KCNMA1: variants seen among roughly 807,000 people sequenced by gnomAD.
The protein encoded by KCNMA1 is potassium calcium-activated channel subfamily M alpha 1, also known as Calcium-activated potassium channel subunit alpha-1.
Under a neutral mutation model 140.0 loss-of-function variants are expected in KCNMA1, and 29 were observed. The observed-to-expected ratio is 0.21, with a 90% CI of 0.15 to 0.28. The LOEUF is 0.28. Ranked by LOEUF, KCNMA1 falls within the 10% of genes least tolerant of loss-of-function variation. KCNMA1 has a pLI of 1.00. For missense variants in KCNMA1, 880 were observed against 1,602.2 expected, an observed-to-expected ratio of 0.55 and a Z score of 7.70; for synonymous variants, 612 against 611.9, an observed-to-expected ratio of 1.00 and a Z score of 0.00.
At chr10:77,128,184 A>T (rs949222618) in intron 5 of KCNMA1, among the ~76,000 whole-genome samples, 6 of 152,036 alleles carry the variant, frequency 3.9e-5, no homozygotes, top group African/African-American at 1.4e-4. Context: ...TTGTAGTAAT[A>T]CAATTATGTT....
At chr10:77,130,365 G>A (rs1179375195) in intron 5 of KCNMA1, among the ~76,000 whole-genome samples, 1 of 152,186 alleles carries the variant, frequency 6.6e-6, no homozygotes, top group African/African-American at 2.4e-5. Context: ...TTCTGAGCAT[G>A]TTTAAGATAG....
intron 2 of KCNMA1, among the ~76,000 whole-genome samples, chr10:77,308,368 T>G (rs142698320): frequency 5.9e-5 from 9 of 152,318 alleles, no homozygotes; most frequent in African/African-American, 2.2e-4. Context: ...ATAGCCCAGA[T>G]GAAATGATTG....
intron 16 of KCNMA1, chr10:77,020,328 C>T (rs1295184940): frequency 2.0e-5 from 3 of 152,108 alleles, no homozygotes; most frequent in Non-Finnish European, 2.9e-5. Flanking sequence ...CCAGGTGAAC[C>T]TTTGTTCACC....
intron 1 of KCNMA1, among the ~76,000 whole-genome samples, chr10:77,527,493 A>C (rs1479709408): frequency 1.3e-5 from 2 of 152,136 alleles, no homozygotes; most frequent in African/African-American, 2.4e-5. Context: ...GCCAGAGCCA[A>C]CTCAGGGTCA....
chr10:77,207,199 G>C (rs2044424856), intron 3 of KCNMA1, among the ~76,000 whole-genome samples: 1 of 152,078 alleles, frequency 6.6e-6, no homozygotes, highest in Non-Finnish European at 1.5e-5. Context: ...AAGCTCTTCT[G>C]ATTACATAAA....
intron 1 of KCNMA1, among the ~76,000 whole-genome samples, chr10:77,488,627 C>G (rs1040206484): frequency 2.6e-5 from 4 of 152,134 alleles, no homozygotes; most frequent in Non-Finnish European, 4.4e-5. Flanking sequence ...CCATCATTTC[C>G]CCCTGTATTA....
intron 23 of KCNMA1, among the ~76,000 whole-genome samples, chr10:76,919,866 C>G (rs1012837324): frequency 6.6e-6 from 1 of 151,100 alleles, no homozygotes; most frequent in East Asian, 2.0e-4. Flanking sequence ...AATAAGTATT[C>G]GTGGATCACT....
At chr10:77,154,779 G>A (rs533223449) in intron 5 of KCNMA1, among the ~76,000 whole-genome samples, 2 of 152,168 alleles carry the variant, frequency 1.3e-5, no homozygotes, top group African/African-American at 4.8e-5. Context: ...AGTAGGTTAC[G>A]GCCTAGTAGT....
In KCNMA1 at chr10:77,019,021, T is replaced by C; in HGVS notation, c.2007A>G (p.Glu669=). ...LGFFIASDAK[E]VKRAFFYCKA... ...TGAAAATAAACTCTTACCTTTTAAC[T>C]TCTTTGGCATCACTTGCGATGAAAA... Residue 669 remains glutamate (E), a synonymous_variant, in exon 17 of 28, where the codon GAA becomes GAG. Coordinates refer to ENST00000286628, the MANE Select transcript of KCNMA1 (RefSeq NM_001161352.2). 6.4e-7 allele frequency: 1 copy of C among 1,573,638 alleles called. No individual in the cohort carries two copies. Among genetic ancestry groups the C allele is most frequent in the Non-Finnish European group, 8.7e-7 (1 of 1,143,450 alleles).
intron 13 of KCNMA1, among the ~76,000 whole-genome samples, chr10:77,078,306 C>G (rs925512613): frequency 6.6e-6 from 1 of 152,150 alleles, no homozygotes; most frequent in African/African-American, 2.4e-5. Context: ...GGTACTGCAT[C>G]AAATGGAGAA....
chr10:77,386,458 G>T (rs1241897820), intron 2 of KCNMA1, among the ~76,000 whole-genome samples: 1 of 152,172 alleles, frequency 6.6e-6, no homozygotes, highest in African/African-American at 2.4e-5. Context: ...AATATGACTT[G>T]TCAGCCGTCT....
downstream of KCNMA1, chr10:76,884,881 A>G (rs1458187155): frequency 7.1e-7 from 1 of 1,400,870 alleles, no homozygotes; most frequent in Non-Finnish European, 9.4e-7. Flanking sequence ...ACAGAATAAA[A>G]TTTGTAACTC....
intron 1 of KCNMA1, among the ~76,000 whole-genome samples, chr10:77,455,637 T>G (rs1448905453): frequency 1.3e-5 from 2 of 152,204 alleles, no homozygotes; most frequent in African/African-American, 2.4e-5. Context: ...CAGGCAGGGC[T>G]TGAGGCCACT....
At chr10:77,360,497 T>G (rs1159840026) in intron 2 of KCNMA1, among the ~76,000 whole-genome samples, 1 of 152,178 alleles carries the variant, frequency 6.6e-6, no homozygotes, top group East Asian at 1.9e-4. Context: ...AAGAAAGAGT[T>G]GAGTCTAGCA....
chr10:77,288,206 A>G (rs986146936), intron 2 of KCNMA1, among the ~76,000 whole-genome samples: 1 of 152,258 alleles, frequency 6.6e-6, no homozygotes, highest in African/African-American at 2.4e-5. Context: ...TGCCTTGACA[A>G]TAAAATCAGA....
At chr10:77,525,555 G>A (rs1415540919) in intron 1 of KCNMA1, among the ~76,000 whole-genome samples, 2 of 152,204 alleles carry the variant, frequency 1.3e-5, no homozygotes, top group African/African-American at 4.8e-5. Flanking sequence ...TGCTTCAACG[G>A]CCCACTGGCC....
intron 5 of KCNMA1, among the ~76,000 whole-genome samples, chr10:77,128,412 T>A (rs1199983409): frequency 8.6e-6 from 1 of 115,664 alleles, no homozygotes; most frequent in Admixed American, 8.8e-5. Context: ...TTTTTTTTTT[T>A]ACTGCATCTA....
chr10:77,360,916 G>A (rs1220740092), intron 2 of KCNMA1, among the ~76,000 whole-genome samples: 1 of 152,108 alleles, frequency 6.6e-6, no homozygotes, highest in Non-Finnish European at 1.5e-5. Flanking sequence ...TGAGGGAGCC[G>A]CAATGATCTG....
chr10:77,000,005 C>T (rs1273451455), intron 19 of KCNMA1, among the ~76,000 whole-genome samples: 6 of 152,178 alleles, frequency 3.9e-5, no homozygotes, highest in South Asian at 2.1e-4. Flanking sequence ...GCTACACAGC[C>T]GCACTCTGCT....
Sources: gnomAD v4.1 joint callset for allele counts (sites outside exome capture counted in the v4.1 genomes callset) on GRCh38, gnomAD v4.1.1 for gene constraint, MANE v1.5 for transcripts, NCBI Gene and HGNC (gene_info 2026-07-23, HGNC 2026-07-21) for gene names.